C1orf141: variants seen among roughly 807,000 people sequenced by gnomAD.
C1orf141 encodes uncharacterized protein C1orf141.
Under a neutral mutation model 23.2 loss-of-function variants are expected in C1orf141, and 19 were observed. The observed-to-expected ratio is 0.82, with a 90% CI of 0.57 to 1.20. The LOEUF is 1.20. C1orf141 is among the 50% of genes most tolerant of loss of function. The probability of loss-of-function intolerance (pLI) is 0.00; values close to 1 mark genes in which losing one functional copy is unlikely to be tolerated. For synonymous variants in C1orf141, 153 were observed against 154.6 expected, an observed-to-expected ratio of 0.99 and a Z score of 0.08; for missense variants, 469 against 455.1, an observed-to-expected ratio of 1.03 and a Z score of -0.28.
At chr1:67,132,043 A>G (rs1483212175) in intron 1 of C1orf141, among the ~76,000 whole-genome samples, 2 of 151,374 alleles carry the variant, frequency 1.3e-5, no homozygotes, top group Non-Finnish European at 2.9e-5. Flanking sequence ...TCGGCCTCCC[A>G]AAGTTCTGGG....
intron 5 of C1orf141, among the ~76,000 whole-genome samples, chr1:67,106,679 C>CCAAA (rs1420206745): frequency 1.3e-5 from 2 of 151,672 alleles, no homozygotes; most frequent in East Asian, 1.9e-4. Context: ...CAGAAACCAG[C>CCAAA]CAAACAAACA....
chr1:67,116,342 T>A (rs1646193138), intron 4 of C1orf141, among the ~76,000 whole-genome samples: 1 of 152,106 alleles, frequency 6.6e-6, no homozygotes, highest in Non-Finnish European at 1.5e-5. Context: ...TACTGTGTCT[T>A]TCTTTGAAAT....
At chr1:67,138,626 C>A (rs1646605833), upstream of C1orf141, among the ~76,000 whole-genome samples, 1 of 152,146 alleles carries the variant, frequency 6.6e-6, no homozygotes, top group South Asian at 2.1e-4. Flanking sequence ...AGAACTTCTA[C>A]CATCTGAGCC....
intron 5 of C1orf141, among the ~76,000 whole-genome samples, chr1:67,098,773 TACTC>T (rs1203961442): frequency 3.9e-5 from 6 of 152,020 alleles, no homozygotes; most frequent in South Asian, 2.1e-4. Context: ...AAATAAAAAA[TACTC>T]ACATTAGAGA....
chr1:67,112,322 C>A (rs1558194784), intron 5 of C1orf141, among the ~76,000 whole-genome samples: 1 of 152,072 alleles, frequency 6.6e-6, no homozygotes, highest in Non-Finnish European at 1.5e-5. Flanking sequence ...CAACTATATG[C>A]CAGACACTGA....
At chr1:67,093,763 T>A (rs1645606119) in intron 7 of C1orf141, 159 bp from the exon 8 acceptor site, 2 of 478,788 alleles carry the variant, frequency 4.2e-6, no homozygotes, top group Admixed American at 3.9e-5. Flanking sequence ...ATGAAAATAC[T>A]GTACTTGTAT....
intron 4 of C1orf141, chr1:67,123,766 A>T (rs910303185): frequency 2.0e-5 from 3 of 152,222 alleles, no homozygotes; most frequent in South Asian, 2.1e-4. Flanking sequence ...TTACGAGCTA[A>T]CAAGTTTGCC....
upstream of C1orf141, among the ~76,000 whole-genome samples, chr1:67,137,189 C>G (rs1430185825): frequency 6.6e-6 from 1 of 152,180 alleles, no homozygotes; most frequent in African/African-American, 2.4e-5. Context: ...ATAGAACCCT[C>G]AGGTTCGATA....
chr1:67,130,791 A>G (rs566124806), intron 2 of C1orf141, among the ~76,000 whole-genome samples: 1 of 152,336 alleles, frequency 6.6e-6, no homozygotes, highest in East Asian at 1.9e-4. Context: ...ACTGAATGTT[A>G]GTTTTGTAGT....
upstream of C1orf141, among the ~76,000 whole-genome samples, chr1:67,135,369 G>T (rs1471579565): frequency 6.6e-6 from 1 of 151,954 alleles, no homozygotes; most frequent in Non-Finnish European, 1.5e-5. Context: ...TTTGATGGAA[G>T]ATTGCTTTCA....
chr1:67,112,368 A>T (rs1025669256), intron 5 of C1orf141, among the ~76,000 whole-genome samples: 2 of 152,174 alleles, frequency 1.3e-5, no homozygotes, highest in Admixed American at 6.5e-5. Context: ...CCAATGATGC[A>T]TACATTTTAG....
At position 67,128,402 on chromosome 1, in the gene C1orf141, T is replaced by C. The variant is rs1008944111; in HGVS notation, c.-17-1145A>G. Among the ~76,000 whole-genome samples the C allele has an allele frequency of 7.3e-5, 9 of 123,664 alleles. No homozygotes were observed. In the East Asian group the frequency reaches 2.1e-3, roughly 29 times the overall value. 81.1% of individuals were successfully genotyped at this position (123,664 alleles called of 152,430 possible). A position where few individuals can be genotyped will look rare whatever the true frequency, so the allele number is the denominator to read the frequency against. On this transcript the variant is annotated intron_variant, in intron 2 of 7. Transcript: ENST00000684719. Reference sequence around the variant, plus strand: ...ATTTATTTATTTATTTATTTATTTATTTTAAAAATTGAGTAGATGGGTCAG... The same window carrying C: ...ATTTATTTATTTATTTATTTATTTACTTTAAAAATTGAGTAGATGGGTCAG...
upstream of C1orf141, among the ~76,000 whole-genome samples, chr1:67,136,744 G>T (rs1280753129): frequency 2.0e-5 from 3 of 152,060 alleles, no homozygotes; most frequent in South Asian, 2.1e-4. Context: ...TTTTAGAAAA[G>T]ACCTGACTGA....
chr1:67,109,607 T>C (rs1223079629), intron 5 of C1orf141, among the ~76,000 whole-genome samples: 1 of 152,202 alleles, frequency 6.6e-6, no homozygotes, highest in Non-Finnish European at 1.5e-5. Flanking sequence ...TTAGTGACAA[T>C]GAGCATGAAT....
At chr1:67,103,250 T>C in intron 5 of C1orf141, 1 of 1,427,460 alleles carries the variant, frequency 7.0e-7, no homozygotes, top group Non-Finnish European at 9.4e-7. Flanking sequence ...GTAAATAAAG[T>C]AGAGTCTTTT....
chr1:67,115,576 A>C, intron 4 of C1orf141, 112 bp from the exon 5 acceptor site: 1 of 522,926 alleles, frequency 1.9e-6, no homozygotes, highest in Non-Finnish European at 3.4e-6. Flanking sequence ...CTTGGATGTT[A>C]TGTTAATGTT....
At chr1:67,127,951 A>C (rs1469278390) in intron 2 of C1orf141, among the ~76,000 whole-genome samples, 2 of 152,064 alleles carry the variant, frequency 1.3e-5, no homozygotes, top group African/African-American at 4.8e-5. Context: ...AGGACTTTGG[A>C]CATATCTGTT....
At chr1:67,112,149 T>C (rs1287900535) in intron 5 of C1orf141, among the ~76,000 whole-genome samples, 1 of 152,214 alleles carries the variant, frequency 6.6e-6, no homozygotes, top group Non-Finnish European at 1.5e-5. Context: ...TACATAGCCA[T>C]AGCCATAGGA....
intron 4 of C1orf141, chr1:67,123,758 A>C (rs1167472406): frequency 2.6e-5 from 4 of 152,226 alleles, no homozygotes; most frequent in Non-Finnish European, 5.9e-5. Context: ...GACCCTACTT[A>C]CGAGCTAACA....
Sources: allele counts gnomAD v4.1 joint callset (sites outside exome capture counted in the v4.1 genomes callset), GRCh38; gene constraint gnomAD v4.1.1; transcripts MANE v1.5; gene names NCBI Gene and HGNC (gene_info 2026-07-23, HGNC 2026-07-21).